Variants in WIPF3 observed in about 807,000 individuals in gnomAD.
The protein encoded by WIPF3 is WAS/WASL interacting protein family member 3.
In WIPF3, 33 loss-of-function variants were observed where a neutral mutation model predicts 38.9. The ratio of observed to expected loss-of-function variants is 0.85; its 90% confidence interval spans 0.64 to 1.14. WIPF3 has a LOEUF of 1.14. Ranked by LOEUF, WIPF3 falls within the 50% of genes most tolerant of loss-of-function variation. The pLI is 0.00. For synonymous variants in WIPF3, 324 were observed against 269.3 expected (o/e 1.20, Z -1.99); for missense variants, 711 against 652.5 (o/e 1.09, Z -0.98).
chr7:29,874,159 T>C (rs28568296), intron 2 of WIPF3, among the ~76,000 whole-genome samples: 50,507 of 151,652 alleles, frequency 0.33, 8,965 homozygotes, highest in African/African-American at 0.45. Context: ...GCCTCTCTGC[T>C]TGGTGCATGC....
intron 7 of WIPF3, among the ~76,000 whole-genome samples, chr7:29,891,643 G>T (rs187694532): frequency 6.6e-6 from 1 of 152,162 alleles, no homozygotes; most frequent in Non-Finnish European, 1.5e-5. Flanking sequence ...TCAGTTCAGC[G>T]CGCTCACATG....
At chr7:29,882,888 C>T (rs1422242051) in intron 4 of WIPF3, among the ~76,000 whole-genome samples, 3 of 152,180 alleles carry the variant, frequency 2.0e-5, no homozygotes, top group African/African-American at 4.8e-5. Flanking sequence ...TTTTAATCTG[C>T]CTCCTGAGTA....
At chr7:29,850,378 T>C (rs952232212) in intron 2 of WIPF3, among the ~76,000 whole-genome samples, 2 of 152,162 alleles carry the variant, frequency 1.3e-5, no homozygotes, top group Non-Finnish European at 2.9e-5. Context: ...AGAGAAAGTT[T>C]AGGAGCCTTG....
chr7:29,837,652 CAT>C (rs767326296), intron 2 of WIPF3, among the ~76,000 whole-genome samples: 8 of 151,978 alleles, frequency 5.3e-5, no homozygotes, highest in Admixed American at 1.3e-4. Flanking sequence ...TTTCTTAAAA[CAT>C]ATTTTCTACA....
intron 2 of WIPF3, among the ~76,000 whole-genome samples, chr7:29,842,131 A>C (rs893865613): frequency 6.6e-6 from 1 of 152,206 alleles, no homozygotes; most frequent in African/African-American, 2.4e-5. Flanking sequence ...AATTCTTTGG[A>C]GTTGGGTTGC....
intron 1 of WIPF3, among the ~76,000 whole-genome samples, chr7:29,820,227 T>A (rs1784515446): frequency 6.6e-6 from 1 of 152,120 alleles, no homozygotes; most frequent in African/African-American, 2.4e-5. Flanking sequence ...TTGTATATTA[T>A]TCCCTTTACC....
intron 2 of WIPF3, among the ~76,000 whole-genome samples, chr7:29,855,128 A>C (rs1273117013): frequency 6.6e-6 from 1 of 152,206 alleles, no homozygotes; most frequent in South Asian, 2.1e-4. Flanking sequence ...AGATGCTGCC[A>C]TTAACCTGAG....
Position 29,878,886 on chromosome 7 carries a change from G to A in WIPF3, c.224-123G>A. The A allele has an allele frequency of 4.4e-6, 5 of 1,141,768 alleles. No homozygotes were observed. The highest frequency in any genetic ancestry group is 6.2e-6 in the Non-Finnish European group (5 of 809,742). The allele number at this position is 1,141,768 out of a possible 1,614,324, so 70.7% of individuals were successfully genotyped here. A position where few individuals can be genotyped will look rare whatever the true frequency, so the allele number is the denominator to read the frequency against. On this transcript the variant is annotated intron_variant, in intron 3 of 8. Transcript: ENST00000242140. This position sits in a 1 kb window ranked among gnomAD's most constrained non-coding sequence, Gnocchi z 4.0. ...TGCTGAGTGAAAGGATGACATTGGA[G>A]GTGGGAGAATGGGAAGGCTGACAAG...
At chr7:29,818,461 T>C (rs1784488782) in intron 1 of WIPF3, among the ~76,000 whole-genome samples, 1 of 150,370 alleles carries the variant, frequency 6.7e-6, no homozygotes, top group Non-Finnish European at 1.5e-5. Context: ...TCAAAAAAAA[T>C]AATTAAAATA....
chr7:29,815,398 A>T (rs942465012), intron 1 of WIPF3, among the ~76,000 whole-genome samples: 1 of 152,262 alleles, frequency 6.6e-6, no homozygotes, highest in African/African-American at 2.4e-5. Context: ...GCCTGCGGAC[A>T]TAGAAGGAAG....
chr7:29,889,477 G>A, intron 7 of WIPF3, 70 bp downstream of exon 7: 3 of 1,135,084 alleles, frequency 2.6e-6, no homozygotes, highest in South Asian at 2.6e-5. Context: ...CTGTGCATCA[G>A]TTGGTCACAG....
chr7:29,837,038 G>T (rs1335284492), intron 2 of WIPF3, among the ~76,000 whole-genome samples: 1 of 150,580 alleles, frequency 6.6e-6, no homozygotes, highest in Middle Eastern at 3.5e-3. Flanking sequence ...TGGAAAAGTA[G>T]ATATAAAATG....
chr7:29,825,334 T>A (rs1562771209), intron 1 of WIPF3, among the ~76,000 whole-genome samples: 1 of 152,136 alleles, frequency 6.6e-6, no homozygotes, highest in East Asian at 1.9e-4. Context: ...ACCCCAGAAA[T>A]TAAAATAAAA....
intron 7 of WIPF3, among the ~76,000 whole-genome samples, chr7:29,895,224 C>T (rs79487543): frequency 0.016 from 2,451 of 152,126 alleles, 58 homozygotes; most frequent in East Asian, 0.058. Flanking sequence ...GGTGAGCCAC[C>T]GCACCCAGCC....
intron 1 of WIPF3, among the ~76,000 whole-genome samples, chr7:29,826,069 G>T (rs912148379): frequency 6.6e-6 from 1 of 152,132 alleles, no homozygotes; most frequent in African/African-American, 2.4e-5. Context: ...GAAATTAAAT[G>T]AATCTACATG....
intron 8 of WIPF3, among the ~76,000 whole-genome samples, chr7:29,913,041 T>C (rs1786533260): frequency 6.6e-6 from 1 of 152,174 alleles, no homozygotes; most frequent in Admixed American, 6.5e-5. Context: ...CCCTAAACTA[T>C]ACACTTAAAA....
chr7:29,827,559 G>A (rs1055398242), intron 1 of WIPF3, among the ~76,000 whole-genome samples: 4 of 152,036 alleles, frequency 2.6e-5, no homozygotes, highest in South Asian at 2.1e-4. Flanking sequence ...AATGATGGAC[G>A]CTTAGAGGTG....
chr7:29,876,976 T>TA (rs1405896410), intron 3 of WIPF3, among the ~76,000 whole-genome samples: 4 of 152,166 alleles, frequency 2.6e-5, no homozygotes. Context: ...GTTGAAATAA[T>TA]ATATGCAGAA....
chr7:29,884,300 C>T lies in WIPF3; in HGVS notation c.806C>T (p.Pro269Leu), dbSNP rs1347667120. 3 of 1,534,462 alleles carry T rather than the reference C, an allele frequency of 2.0e-6. No individual in the cohort carries two copies. Among genetic ancestry groups the T allele is most frequent in the Non-Finnish European group, 1.8e-6 (2 of 1,138,592 alleles). Reference sequence around the variant, plus strand: ...CCGCCCCCGCTCCCTCTGCTCCCACCTTGTGGGTATCCGGGGCTCAAAGCG... The same window carrying T: ...CCGCCCCCGCTCCCTCTGCTCCCACTTTGTGGGTATCCGGGGCTCAAAGCG... ...PIPPPLPLLP[P>L]CGYPGLKAEP... Residue 269 changes from proline to leucine, a missense_variant, in exon 5 of 9, where the codon CCT (proline) becomes CTT (leucine). Physicochemically the swap from Pro to Leu is moderately conservative, Grantham distance 98. Transcript: ENST00000242140.
Sources: allele counts gnomAD v4.1 joint callset (sites outside exome capture counted in the v4.1 genomes callset), GRCh38; gene constraint gnomAD v4.1.1; non-coding constraint Gnocchi (gnomAD v3.1); transcripts MANE v1.5; gene names NCBI Gene and HGNC (gene_info 2026-07-23, HGNC 2026-07-21).